CNTNAP2: variants seen among roughly 807,000 people sequenced by gnomAD.
CNTNAP2 encodes the protein contactin-associated protein-like 2.
In CNTNAP2, 98 loss-of-function variants were observed where a neutral mutation model predicts 155.2. The ratio of observed to expected loss-of-function variants is 0.63; its 90% CI spans 0.54 to 0.75. The LOEUF (loss-of-function observed/expected upper bound fraction) is 0.75. CNTNAP2 is among the 30% of genes least tolerant of loss of function. CNTNAP2 has a pLI of 0.00. For missense variants in CNTNAP2, 1,727 were observed against 1,688.1 expected, an observed-to-expected ratio of 1.02 and a Z score of -0.40; for synonymous variants, 651 against 631.2, an observed-to-expected ratio of 1.03 and a Z score of -0.47.
intron 1 of CNTNAP2, among the ~76,000 whole-genome samples, chr7:146,356,652 G>T (rs1001756973): frequency 3.3e-5 from 5 of 152,096 alleles, no homozygotes; most frequent in Non-Finnish European, 7.4e-5. Context: ...GGATAAATGT[G>T]ACCATTTTGT....
Position 146,414,553 on chromosome 7 carries a change from G to T in CNTNAP2, c.97+297580G>T, listed in dbSNP as rs557614698. Among the ~76,000 whole-genome samples, 11 of 152,214 alleles carry T rather than the reference G, an allele frequency of 7.2e-5. No individual in the cohort carries two copies. In the East Asian group the frequency reaches 2.1e-3, roughly 29 times the overall value. ...TCCATAGTCCTGGCAGCTGCCTACT[G>T]TGTTATCCCTGAGCTTCACTCATTT... On this transcript the variant is annotated intron_variant, in intron 1 of 23. Coordinates refer to ENST00000361727, the MANE Select transcript of CNTNAP2 (RefSeq NM_014141.6).
chr7:148,399,793 A>C (rs567823529), intron 22 of CNTNAP2, among the ~76,000 whole-genome samples: 1 of 152,316 alleles, frequency 6.6e-6, no homozygotes, highest in East Asian at 1.9e-4. Context: ...AAATTCACAC[A>C]AATGATTCGG....
intron 3 of CNTNAP2, among the ~76,000 whole-genome samples, chr7:147,028,923 ACAGATCAAATAGAC>A (rs1216943163): frequency 6.6e-6 from 1 of 151,804 alleles, no homozygotes; most frequent in Non-Finnish European, 1.5e-5. Context: ...AGAAGCAATC[ACAGATCAAATAGAC>A]ATATGCAAAA....
At position 147,573,597 on chromosome 7, in the gene CNTNAP2, C is replaced by T. The variant is rs553961943; in HGVS notation, c.1897+11340C>T. On this transcript the variant is annotated intron_variant, in intron 12 of 23. Coordinates refer to ENST00000361727, the MANE Select transcript of CNTNAP2 (RefSeq NM_014141.6). ...AGGCAGCAGGGCATGGAGGACAGAG[C>T]GGGAAGTTTGTTAGTACATTGTAGA... is the stretch of plus-strand genomic sequence containing the variant. 2.2e-4 allele frequency among the ~76,000 whole-genome samples: 33 copies of T among 152,208 alleles called. 1 individual carries two copies. In the South Asian group the frequency reaches 5.8e-3, roughly 27 times the overall value.
At chr7:147,849,819 A>G (rs1296959522) in intron 13 of CNTNAP2, 2 of 152,258 alleles carry the variant, frequency 1.3e-5, no homozygotes, top group Non-Finnish European at 1.5e-5. Context: ...AGCAATAGGC[A>G]TGTTAGGCAT....
chr7:146,513,315 A>G (rs1028323409), intron 1 of CNTNAP2, among the ~76,000 whole-genome samples: 1 of 151,912 alleles, frequency 6.6e-6, no homozygotes, highest in African/African-American at 2.4e-5. Context: ...TTTTATAGGT[A>G]AGGACTTACT....
At chr7:147,600,449 T>C (rs865787422) in intron 12 of CNTNAP2, among the ~76,000 whole-genome samples, 3 of 152,206 alleles carry the variant, frequency 2.0e-5, no homozygotes, top group African/African-American at 7.2e-5. Context: ...CAAATCAGCA[T>C]GCCCAAGTTC....
intron 9 of CNTNAP2, among the ~76,000 whole-genome samples, chr7:147,364,342 TAA>T (rs1796191831): frequency 6.6e-6 from 1 of 152,120 alleles, no homozygotes; most frequent in African/African-American, 2.4e-5. Context: ...TGTGTAACTT[TAA>T]GTATTTGTTC....
chr7:148,214,591 G>T (rs1480520324), intron 18 of CNTNAP2, among the ~76,000 whole-genome samples: 1 of 152,080 alleles, frequency 6.6e-6, no homozygotes. Flanking sequence ...ATTTATTTTT[G>T]AGATGGAGTC....
intron 2 of CNTNAP2, among the ~76,000 whole-genome samples, chr7:146,828,935 T>G (rs139976849): frequency 7.2e-5 from 11 of 152,214 alleles, no homozygotes; most frequent in African/African-American, 2.6e-4. Context: ...AGCAAGAACT[T>G]AATCAAATTT....
chr7:147,689,641 C>G (rs1471191737), intron 13 of CNTNAP2, among the ~76,000 whole-genome samples: 1 of 152,066 alleles, frequency 6.6e-6, no homozygotes, highest in Non-Finnish European at 1.5e-5. Context: ...CTAAACATTT[C>G]ATTGTGCACT....
intron 17 of CNTNAP2, among the ~76,000 whole-genome samples, chr7:148,168,966 A>G (rs1805725270): frequency 6.6e-6 from 1 of 152,238 alleles, no homozygotes; most frequent in Non-Finnish European, 1.5e-5. Context: ...AATCACACAA[A>G]TAAGACAGGT....
intron 3 of CNTNAP2, among the ~76,000 whole-genome samples, chr7:147,036,321 C>A (rs1184020599): frequency 1.3e-5 from 2 of 152,132 alleles, no homozygotes; most frequent in Non-Finnish European, 2.9e-5. Context: ...CTAGAAAAAA[C>A]AGTGCACCTA....
At chr7:147,297,778 A>G (rs1055823206) in intron 8 of CNTNAP2, among the ~76,000 whole-genome samples, 5 of 146,612 alleles carry the variant, frequency 3.4e-5, no homozygotes, top group African/African-American at 1.2e-4. Context: ...GAGTGAAATC[A>G]GAGGAACAAT....
intron 20 of CNTNAP2, among the ~76,000 whole-genome samples, chr7:148,247,629 T>TC (rs1563010548): frequency 1.4e-4 from 12 of 84,736 alleles, no homozygotes; most frequent in African/African-American, 5.6e-4. Context: ...CTCTCTCTAT[T>TC]TATTTATTTA....
intron 1 of CNTNAP2, among the ~76,000 whole-genome samples, chr7:146,359,781 T>TGTG (rs1204492354): frequency 6.9e-6 from 1 of 144,502 alleles, no homozygotes; most frequent in Non-Finnish European, 1.5e-5. Context: ...TGTGAATATA[T>TGTG]GTGTGTGTGT....
In CNTNAP2 at chr7:146,846,381, T is replaced by C. The variant is rs116364342; in HGVS notation, c.402+6477T>C. Among the ~76,000 whole-genome samples, 903 of 150,812 alleles carry C rather than the reference T, an allele frequency of 6.0e-3. 10 individuals are homozygous for C. Among genetic ancestry groups the C allele is most frequent in the African/African-American group, 0.021 (876 of 40,940 alleles). On this transcript the variant is annotated intron_variant, in intron 3 of 23. Transcript: ENST00000361727. ...AAAATTATCTTTGATATAAATGGGG[T>C]AAAAATCTTCAGAACTTGTATAGAA... is the stretch of plus-strand genomic sequence containing the variant.
intron 22 of CNTNAP2, among the ~76,000 whole-genome samples, chr7:148,403,681 C>A (rs1428965481): frequency 6.6e-6 from 1 of 152,248 alleles, no homozygotes. Context: ...CTCCGTTTTT[C>A]TCTGTGCGCA....
At chr7:147,578,679 T>C (rs1184720177) in intron 12 of CNTNAP2, among the ~76,000 whole-genome samples, 1 of 152,094 alleles carries the variant, frequency 6.6e-6, no homozygotes, top group Non-Finnish European at 1.5e-5. Flanking sequence ...TGGAAAATTA[T>C]TTAGTATACA....
Sources: allele counts gnomAD v4.1 joint callset (sites outside exome capture counted in the v4.1 genomes callset), GRCh38; gene constraint gnomAD v4.1.1; transcripts MANE v1.5; gene names NCBI Gene and HGNC (gene_info 2026-07-23, HGNC 2026-07-21).